The following SHROOM3 variants were observed in gnomAD, a reference collection of about 807,000 sequenced individuals.
SHROOM3 encodes shroom family member 3, also known as protein Shroom3.
Under a neutral mutation model 138.6 loss-of-function variants are expected in SHROOM3, and 47 were observed. The observed-to-expected ratio is 0.34, with a 90% CI of 0.27 to 0.43. The LOEUF is 0.43. Among genes scored for constraint, SHROOM3 ranks in the 20% least tolerant of loss-of-function variants. The probability of loss-of-function intolerance (pLI) is 1.00; values close to 1 mark genes in which losing one functional copy is unlikely to be tolerated. For missense variants in SHROOM3, 2,491 were observed against 2,596.5 expected (o/e 0.96, Z 0.88); for synonymous variants, 1,062 against 1,063.3 (o/e 1.00, Z 0.02).
intron 1 of SHROOM3, among the ~76,000 whole-genome samples, chr4:76,537,746 G>T (rs1253244523): frequency 3.3e-5 from 5 of 152,082 alleles, no homozygotes; most frequent in Non-Finnish European, 1.5e-5. Flanking sequence ...CCCTCACAGG[G>T]GGCATTGGGG....
intron 1 of SHROOM3, among the ~76,000 whole-genome samples, chr4:76,523,629 C>T (rs1210615692): frequency 2.0e-5 from 3 of 152,094 alleles, no homozygotes; most frequent in Non-Finnish European, 2.9e-5. Flanking sequence ...CAGGCTATGT[C>T]GAAGTTATGG....
At chr4:76,458,036 G>T (rs6839100) in intron 1 of SHROOM3, among the ~76,000 whole-genome samples, 3 of 151,854 alleles carry the variant, frequency 2.0e-5, no homozygotes, top group African/African-American at 7.3e-5. Context: ...CTCATGATCC[G>T]CCTGCCTGGG....
intron 2 of SHROOM3, among the ~76,000 whole-genome samples, chr4:76,599,119 G>T (rs898023172): frequency 2.0e-5 from 3 of 152,156 alleles, no homozygotes; most frequent in Admixed American, 6.6e-5. Flanking sequence ...TAGCAGCTCA[G>T]TGGGAGATTA....
At position 76,436,046 on chromosome 4, in the gene SHROOM3, G is replaced by A. The variant is rs369419318; in HGVS notation, c.-7G>A. On this transcript the variant is annotated 5_prime_UTR_variant, in exon 1 of 11. Coordinates refer to ENST00000296043, the MANE Select transcript of SHROOM3 (RefSeq NM_020859.4). Reference sequence around the variant, plus strand: ...TTAAATTTAACTTGAGGGATCATGTGTTTGGCATGATGAGGACCACTGAAG... The same window carrying A: ...TTAAATTTAACTTGAGGGATCATGTATTTGGCATGATGAGGACCACTGAAG... 1.2e-6 allele frequency: 2 copies of A among 1,613,656 alleles called. No homozygotes were observed. The highest frequency in any genetic ancestry group is 1.7e-6 in the Non-Finnish European group (2 of 1,179,772).
chr4:76,531,863 T>C (rs1045962105), intron 1 of SHROOM3, among the ~76,000 whole-genome samples: 1 of 151,324 alleles, frequency 6.6e-6, no homozygotes, highest in Non-Finnish European at 1.5e-5. Context: ...TTTAATATAA[T>C]GATGGCCATT....
chr4:76,536,502 C>T (rs1182630393), intron 1 of SHROOM3, among the ~76,000 whole-genome samples: 1 of 151,998 alleles, frequency 6.6e-6, no homozygotes, highest in African/African-American at 2.4e-5. Context: ...ACGTAGTGGA[C>T]CAAGGTTAGG....
chr4:76,588,066 A>C (rs921847759), intron 2 of SHROOM3, among the ~76,000 whole-genome samples: 5 of 152,182 alleles, frequency 3.3e-5, no homozygotes, highest in African/African-American at 1.2e-4. Context: ...GTCTTCCATA[A>C]AAACCCCAGT....
rs535837082 is a variant in SHROOM3 at position 76,635,529 on chromosome 4, C to G, written c.324-74627C>G. Among the ~76,000 whole-genome samples, 42 of 152,254 alleles carry G rather than the reference C, an allele frequency of 2.8e-4. No individual in the cohort carries two copies. The South Asian group carries it at 7.1e-3, about 26-fold the overall frequency. On this transcript the variant is annotated intron_variant, in intron 2 of 10. Transcript: ENST00000296043. ...CTGATGGAGGGACAGCCAGACCTAC[C>G]ATTCAGGTTGTAGAATTCTAGAAAT...
At chr4:76,678,382 T>G (rs779189564) in intron 2 of SHROOM3, among the ~76,000 whole-genome samples, 17 of 152,212 alleles carry the variant, frequency 1.1e-4, no homozygotes, top group Admixed American at 2.6e-4. Flanking sequence ...GGAAGTCATT[T>G]GCATTTCAGG....
In SHROOM3 at chr4:76,698,888, C is replaced by CAAAA. The variant is rs1438780398; in HGVS notation, c.324-11264_324-11261dup. ...GCCCTATATTTTCTGTTCTTATCTG[C>CAAAA]AAAAAAACCCCTCCACTTTGGATTT... On this transcript the variant is annotated intron_variant, in intron 2 of 10. Coordinates refer to ENST00000296043, the MANE Select transcript of SHROOM3 (RefSeq NM_020859.4). 2.0e-5 allele frequency among the ~76,000 whole-genome samples: 3 copies of CAAAA among 152,022 alleles called. No homozygotes were observed. The South Asian group carries it at 6.2e-4, about 32-fold the overall frequency.
chr4:76,699,364 C>G (rs1437146682), intron 2 of SHROOM3, among the ~76,000 whole-genome samples: 1 of 152,152 alleles, frequency 6.6e-6, no homozygotes, highest in Non-Finnish European at 1.5e-5. Flanking sequence ...CCATGTAGGC[C>G]CTCCCCCTGC....
At chr4:76,651,445 T>TATATAC in intron 2 of SHROOM3, among the ~76,000 whole-genome samples, 1 of 91,568 alleles carries the variant, frequency 1.1e-5, no homozygotes, top group Non-Finnish European at 2.2e-5. Context: ...TATATATATA[T>TATATAC]ACCTACTATG....
intron 2 of SHROOM3, among the ~76,000 whole-genome samples, chr4:76,634,030 G>A (rs1366877888): frequency 6.6e-6 from 1 of 152,162 alleles, no homozygotes; most frequent in Non-Finnish European, 1.5e-5. Context: ...CTGTGTGCCA[G>A]TAGAGCCCAT....
At chr4:76,482,403 C>T (rs1015802904) in intron 1 of SHROOM3, among the ~76,000 whole-genome samples, 4 of 152,110 alleles carry the variant, frequency 2.6e-5, no homozygotes, top group Admixed American at 6.6e-5. Flanking sequence ...ATCCCATTCA[C>T]AATTGCTACA....
At chr4:76,673,121 C>T (rs530858888) in intron 2 of SHROOM3, among the ~76,000 whole-genome samples, 2 of 152,272 alleles carry the variant, frequency 1.3e-5, no homozygotes, top group African/African-American at 4.8e-5. Context: ...AGCCTCCCCA[C>T]TGGATAAGAA....
At chr4:76,735,245 TTAAAAGTGC>T (rs2110130776) in intron 4 of SHROOM3, among the ~76,000 whole-genome samples, 1 of 152,264 alleles carries the variant, frequency 6.6e-6, no homozygotes, top group African/African-American at 2.4e-5. Flanking sequence ...TTACCCATCA[TTAAAAGTGC>T]CATTTTGGTG....
At chr4:76,629,695 C>T (rs930772806) in intron 2 of SHROOM3, among the ~76,000 whole-genome samples, 27 of 152,248 alleles carry the variant, frequency 1.8e-4, no homozygotes, top group African/African-American at 6.0e-4. Context: ...TACTGGAATG[C>T]TCAATGTGGG....
At chr4:76,474,939 A>T (rs998787855) in intron 1 of SHROOM3, among the ~76,000 whole-genome samples, 21 of 150,074 alleles carry the variant, frequency 1.4e-4, no homozygotes, top group African/African-American at 2.7e-4. Context: ...AAAAAAAAAA[A>T]TTTTTTTTTT....
intron 10 of SHROOM3, among the ~76,000 whole-genome samples, chr4:76,778,075 C>T (rs1430221210): frequency 6.6e-6 from 1 of 152,180 alleles, no homozygotes; most frequent in Non-Finnish European, 1.5e-5. Flanking sequence ...TGCTGGGCCT[C>T]ACCTCCAGAG....
Sources: gnomAD v4.1 joint callset for allele counts (sites outside exome capture counted in the v4.1 genomes callset) on GRCh38, gnomAD v4.1.1 for gene constraint, MANE v1.5 for transcripts, NCBI Gene and HGNC (gene_info 2026-07-23, HGNC 2026-07-21) for gene names.